Variants in RGS6 observed in about 807,000 individuals in gnomAD.
RGS6 encodes the protein regulator of G-protein signaling 6.
A neutral mutation model predicts 78.5 loss-of-function variants in RGS6; 30 were observed. The ratio of observed to expected loss-of-function variants is 0.38; its 90% CI spans 0.29 to 0.52. The LOEUF is 0.52. Among genes scored for constraint, RGS6 ranks in the 20% least tolerant of loss-of-function variants. RGS6 has a pLI of 0.85. For missense variants in RGS6, 495 were observed against 609.7 expected (o/e 0.81, Z 1.98); for synonymous variants, 206 against 206.0 (o/e 1.00, Z 0.00).
At chr14:72,086,594 T>A (rs867204780) in intron 2 of RGS6, among the ~76,000 whole-genome samples, 7 of 152,206 alleles carry the variant, frequency 4.6e-5, no homozygotes, top group African/African-American at 1.4e-4. Context: ...CAGAGCAATT[T>A]TGTAACTGAT....
At chr14:72,204,370 C>A (rs2042257017) in intron 2 of RGS6, among the ~76,000 whole-genome samples, 1 of 152,082 alleles carries the variant, frequency 6.6e-6, no homozygotes, top group Non-Finnish European at 1.5e-5. Context: ...ACAAGAAGAC[C>A]AGGAGGAAGA....
intron 1 of RGS6, among the ~76,000 whole-genome samples, chr14:71,954,837 T>G (rs1413700748): frequency 3.3e-5 from 5 of 152,236 alleles, no homozygotes; most frequent in Non-Finnish European, 5.9e-5. Flanking sequence ...ATCCTTAACA[T>G]TTTTCATCAT....
chr14:72,623,825 C>T, the RGS6 span, among the ~76,000 whole-genome samples: 5 of 152,192 alleles, frequency 3.3e-5, no homozygotes, highest in African/African-American at 1.2e-4. Flanking sequence ...ATATTATGTT[C>T]TCTAAAGACC....
upstream of RGS6, among the ~76,000 whole-genome samples, chr14:71,932,288 C>T (rs1227692355): frequency 6.6e-6 from 1 of 151,780 alleles, no homozygotes; most frequent in East Asian, 1.9e-4. Context: ...CCCCGCCCGC[C>T]GGCCCCTCCC....
intron 2 of RGS6, among the ~76,000 whole-genome samples, chr14:71,971,320 G>A (rs565625164): frequency 6.6e-6 from 1 of 152,234 alleles, no homozygotes; most frequent in East Asian, 1.9e-4. Context: ...AAGGAGAATC[G>A]CAATGTCAGA....
chr14:71,949,973 G>A (rs150302487), intron 1 of RGS6, among the ~76,000 whole-genome samples: 17 of 152,114 alleles, frequency 1.1e-4, no homozygotes, highest in Non-Finnish European at 1.6e-4. Flanking sequence ...TTTGTTATCA[G>A]TCACATTTGT....
chr14:72,124,231 G>T (rs1174526127), intron 2 of RGS6, among the ~76,000 whole-genome samples: 1 of 152,080 alleles, frequency 6.6e-6, no homozygotes, highest in Non-Finnish European at 1.5e-5. Flanking sequence ...GTGAGCTTTC[G>T]ATATTAGTTA....
chr14:72,038,701 T>C (rs761752694), intron 2 of RGS6, among the ~76,000 whole-genome samples: 1 of 152,208 alleles, frequency 6.6e-6, no homozygotes, highest in Non-Finnish European at 1.5e-5. Context: ...TTAAAAAATA[T>C]TTGGTTTCCA....
intron 17 of RGS6, among the ~76,000 whole-genome samples, chr14:72,558,310 T>G (rs1014741167): frequency 2.0e-5 from 3 of 152,032 alleles, no homozygotes; most frequent in Non-Finnish European, 4.4e-5. Context: ...TTGAAAAAGA[T>G]CCTCCCTGAG....
intron 2 of RGS6, among the ~76,000 whole-genome samples, chr14:72,030,805 A>G (rs893355168): frequency 6.6e-6 from 1 of 152,222 alleles, no homozygotes; most frequent in African/African-American, 2.4e-5. Flanking sequence ...AATAGGCTTT[A>G]CAGCCAAAAG....
intron 2 of RGS6, among the ~76,000 whole-genome samples, chr14:72,310,514 A>G (rs1250962049): frequency 6.6e-6 from 1 of 152,172 alleles, no homozygotes; most frequent in Non-Finnish European, 1.5e-5. Context: ...GTCTGCCGTT[A>G]GCTTAATTAT....
chr14:72,051,154 T>C (rs2093214229), intron 2 of RGS6, among the ~76,000 whole-genome samples: 1 of 151,836 alleles, frequency 6.6e-6, no homozygotes. Flanking sequence ...TCAAATGCAG[T>C]GGGAAAAAAA....
chr14:72,566,831 T>C (rs1599254482), downstream of RGS6, among the ~76,000 whole-genome samples: 1 of 152,072 alleles, frequency 6.6e-6, no homozygotes, highest in Admixed American at 6.5e-5. Context: ...GGCTGGGGGG[T>C]TCTCCAGACC....
intron 2 of RGS6, among the ~76,000 whole-genome samples, chr14:72,055,760 C>T (rs2093589034): frequency 6.6e-6 from 1 of 152,068 alleles, no homozygotes; most frequent in African/African-American, 2.4e-5. Flanking sequence ...TCAGGGTAGC[C>T]TGATATTGTT....
chr14:72,556,767 T>C (rs564871024), intron 17 of RGS6, among the ~76,000 whole-genome samples: 123 of 152,320 alleles, frequency 8.1e-4, no homozygotes, highest in African/African-American at 2.8e-3. Context: ...TTTAAACAGG[T>C]TCAGTTTTAA....
chr14:72,017,439 A>G (rs36032616), intron 2 of RGS6, among the ~76,000 whole-genome samples: 3,919 of 152,154 alleles, frequency 0.026, 94 homozygotes, highest in Middle Eastern at 0.062. Context: ...GTCTTGATGT[A>G]CTGACTTGGA....
chr14:72,465,093 A>T (rs927779786), intron 6 of RGS6, among the ~76,000 whole-genome samples: 2 of 152,236 alleles, frequency 1.3e-5, no homozygotes, highest in Admixed American at 6.5e-5. Flanking sequence ...ACTTTCCTCA[A>T]AAAGGACACA....
rs1446803812 is a variant in RGS6, at chr14:72,534,901, GAGA to G, written c.1279-1280_1279-1278del. ...CACTAGGGCCTTTGTCTGGCTTCAT[GAGA>G]AGAACAATGAGCATACATGGGGGAA... On this transcript the variant is annotated intron_variant, in intron 15 of 17. Coordinates refer to ENST00000553525, the MANE Select transcript of RGS6 (RefSeq NM_001204424.2). Among the ~76,000 whole-genome samples, 9 of 152,160 alleles carry G rather than the reference GAGA, an allele frequency of 5.9e-5. 1 individual carries two copies. Among genetic ancestry groups the G allele is most frequent in the African/African-American group, 2.2e-4 (9 of 41,428 alleles).
chr14:72,076,398 T>TG (rs1455488637), intron 2 of RGS6, among the ~76,000 whole-genome samples: 3 of 152,228 alleles, frequency 2.0e-5, no homozygotes, highest in Non-Finnish European at 4.4e-5. Context: ...TTTAATCAAC[T>TG]GTTTGGTATT....
Sources: gnomAD v4.1 joint callset for allele counts (sites outside exome capture counted in the v4.1 genomes callset) on GRCh38, gnomAD v4.1.1 for gene constraint, MANE v1.5 for transcripts, NCBI Gene and HGNC (gene_info 2026-07-23, HGNC 2026-07-21) for gene names.